MTRR: variants seen among roughly 807,000 people sequenced by gnomAD.
MTRR encodes the protein 5-methyltetrahydrofolate-homocysteine methyltransferase reductase.
Under a neutral mutation model 79.2 loss-of-function variants are expected in MTRR, and 63 were observed. That is an observed-to-expected ratio of 0.80 (90% CI 0.65 to 0.98). The LOEUF is 0.98. MTRR is among the 50% of genes least tolerant of loss of function. The pLI is 0.00. For synonymous variants in MTRR, 355 were observed against 313.3 expected (o/e 1.13, Z -1.41); for missense variants, 895 against 839.6 (o/e 1.07, Z -0.82).
At chr5:7,885,562 GT>G (rs758181172) in intron 6 of MTRR, 138 bp from the exon 7 acceptor site, 9,524 of 663,518 alleles carry the variant, frequency 0.014, 1 homozygote, top group South Asian at 0.017. Flanking sequence ...ACAATTGTGT[GT>G]TTTTTTTTTT....
chr5:7,899,849 G>T (rs1279150755), intron 14 of MTRR, 65 bp from the exon 15 acceptor site: 1 of 1,587,914 alleles, frequency 6.3e-7, no homozygotes, highest in Non-Finnish European at 8.6e-7. Context: ...TTAGACTTGT[G>T]AATTAAGGAG....
chr5:7,878,969 G>T (rs1579666377), intron 5 of MTRR, among the ~76,000 whole-genome samples: 1 of 151,776 alleles, frequency 6.6e-6, no homozygotes, highest in African/African-American at 2.4e-5. Context: ...TTAATTTCTT[G>T]TTTTTTTTAA....
intron 1 of MTRR, among the ~76,000 whole-genome samples, chr5:7,852,258 G>A (rs760780257): frequency 6.6e-6 from 1 of 152,186 alleles, no homozygotes; most frequent in African/African-American, 2.4e-5. Flanking sequence ...GCAGGCTGGT[G>A]GCTTAAGATG....
At chr5:7,862,954 G>C (rs1206945523) in intron 2 of MTRR, 2 of 1,613,864 alleles carry the variant, frequency 1.2e-6, no homozygotes, top group African/African-American at 2.7e-5. Flanking sequence ...ACAGCATGGG[G>C]TAAGAAATGA....
upstream of MTRR, chr5:7,867,854 C>A (rs759894376): frequency 1.2e-6 from 2 of 1,614,166 alleles, no homozygotes; most frequent in South Asian, 2.2e-5. Context: ...CACTGGTCCA[C>A]CGAGTGGATG....
At chr5:7,866,916 T>C, upstream of MTRR, 1 of 1,614,144 alleles carries the variant, frequency 6.2e-7, no homozygotes, top group East Asian at 2.2e-5. Flanking sequence ...GCCACTGCAT[T>C]GAGGATGGGT....
intron 6 of MTRR, among the ~76,000 whole-genome samples, chr5:7,883,671 C>A (rs1336661069): frequency 1.3e-5 from 2 of 152,148 alleles, no homozygotes; most frequent in East Asian, 3.9e-4. Flanking sequence ...TTATTCCTGA[C>A]CCATCATTTT....
intron 2 of MTRR, among the ~76,000 whole-genome samples, chr5:7,872,056 T>C (rs1748081346): frequency 6.6e-6 from 1 of 152,200 alleles, no homozygotes; most frequent in Admixed American, 6.5e-5. Context: ...CCCTGGCTGA[T>C]GGTTTCGTCT....
chr5:7,862,878 T>C (rs2126598081), intron 2 of MTRR: 1 of 1,614,046 alleles, frequency 6.2e-7, no homozygotes, highest in East Asian at 2.2e-5. Flanking sequence ...ATCTTGCTCC[T>C]AAAAGGTTAG....
chr5:7,872,359 A>G (rs1748139038), intron 2 of MTRR: 1 of 350,752 alleles, frequency 2.9e-6, no homozygotes, highest in Non-Finnish European at 5.5e-6. Context: ...GAGAGTAAGA[A>G]TAAAGAAACT....
chr5:7,899,001 ACT>A (rs1739009992), intron 14 of MTRR, among the ~76,000 whole-genome samples: 1 of 152,134 alleles, frequency 6.6e-6, no homozygotes, highest in African/African-American at 2.4e-5. Context: ...GGAAGCTTCC[ACT>A]CTGACAGAAG....
At chr5:7,867,880 T>C (rs1747134900), upstream of MTRR, 2 of 1,614,188 alleles carry the variant, frequency 1.2e-6, no homozygotes, top group South Asian at 1.1e-5. Flanking sequence ...CATTTCCATT[T>C]TTCGAATGAA....
upstream of MTRR, chr5:7,865,940 G>A: frequency 6.2e-7 from 1 of 1,613,984 alleles, no homozygotes; most frequent in East Asian, 2.2e-5. Flanking sequence ...AGAAAAGTTG[G>A]GTCAGTTGTG....
In MTRR at chr5:7,878,269, C is replaced by G. The variant is rs1452107142; in HGVS notation, c.727C>G (p.Pro243Ala). The G allele has an allele frequency of 2.5e-6, 4 of 1,614,080 alleles. No individual in the cohort carries two copies. Among genetic ancestry groups the G allele is most frequent in the East Asian group, 2.2e-5 (1 of 44,886 alleles). ...PPLSQASLNI[P>A]GLPPEYLQVH... Reference sequence around the variant, plus strand: ...ACTCTCACAAGCCTCTCTGAATATTCCTGGTTTACCCCCAGAATATTTACA... The same window carrying G: ...ACTCTCACAAGCCTCTCTGAATATTGCTGGTTTACCCCCAGAATATTTACA... Residue 243 changes from proline (P) to alanine (A), a missense_variant, in exon 5 of 15, where the codon CCT becomes GCT. By Grantham distance (27) the Pro-to-Ala change is conservative. Coordinates refer to ENST00000440940, the MANE Select transcript of MTRR (RefSeq NM_002454.3).
chr5:7,862,875 T>C lies in MTRR; in HGVS notation n.498+818T>C, dbSNP rs1033040763. The stretch of plus-strand genomic sequence containing the variant: ...CTTTTGGAGCAAAATATAATCTTGC[T>C]CCTAAAAGGTTAGTCAGCCCAATCT... On this transcript the variant is annotated intron_variant and non_coding_transcript_variant, in intron 2 of 3. Transcript: ENST00000502509. 18 of 1,613,892 alleles carry C rather than the reference T, an allele frequency of 1.1e-5. No individual in the cohort carries two copies. The African/African-American group carries it at 1.6e-4, about 14-fold the overall frequency.
chr5:7,851,820 A>C (rs1324946850), intron 1 of MTRR, among the ~76,000 whole-genome samples: 1 of 152,148 alleles, frequency 6.6e-6, no homozygotes, highest in Non-Finnish European at 1.5e-5. Context: ...CGTTTGTTGA[A>C]AATGTGTTAA....
chr5:7,866,537 A>G (rs1458264918), upstream of MTRR: 2 of 794,794 alleles, frequency 2.5e-6, no homozygotes, highest in Non-Finnish European at 4.1e-6. Flanking sequence ...TCTTCGGATC[A>G]CTATGGAAGA....
chr5:7,897,086 T>G lies in MTRR; in HGVS notation c.1791T>G (p.Leu597=). 1 of 1,614,192 alleles carries G rather than the reference T, an allele frequency of 6.2e-7. No homozygotes were observed. Among genetic ancestry groups the G allele is most frequent in the Non-Finnish European group, 8.5e-7 (1 of 1,180,032 alleles). ...TCAGAAAAGAGCTCAGACATTTCCT[T>G]AAGCATGGGATCTTAACTCATCTAA... is the stretch of plus-strand genomic sequence containing the variant. ...YLFRKELRHF[L]KHGILTHLKV... Residue 597 remains leucine, a synonymous_variant, in exon 14 of 15, where the codon CTT becomes CTG. Transcript: ENST00000440940.
rs575616619 is a variant in MTRR at position 7,891,915 on chromosome 5, G to A, written c.1370+501G>A. Reference sequence around the variant, plus strand: ...AAATTAGCCGGGCGTGGTGGCAGGCGCCTGTAGTCCCAGCTACTTGGGAGG... The same window carrying A: ...AAATTAGCCGGGCGTGGTGGCAGGCACCTGTAGTCCCAGCTACTTGGGAGG... On this transcript the variant is annotated intron_variant, in intron 10 of 14. Coordinates refer to ENST00000440940, the MANE Select transcript of MTRR (RefSeq NM_002454.3). Among the ~76,000 whole-genome samples the A allele has an allele frequency of 5.9e-5, 9 of 152,180 alleles. No homozygotes were observed. The South Asian group carries it at 8.3e-4, about 14-fold the overall frequency.
Sources: allele counts gnomAD v4.1 joint callset (sites outside exome capture counted in the v4.1 genomes callset), GRCh38; gene constraint gnomAD v4.1.1; transcripts MANE v1.5; gene names NCBI Gene and HGNC (gene_info 2026-07-23, HGNC 2026-07-21).